ZFAT: variants seen among roughly 807,000 people sequenced by gnomAD.
ZFAT encodes the protein zinc finger and AT-hook domain containing, also known as zinc finger protein ZFAT.
Under a neutral mutation model 117.7 loss-of-function variants are expected in ZFAT, and 64 were observed. That is an observed-to-expected ratio of 0.54 (90% CI 0.44 to 0.67). ZFAT has a LOEUF of 0.67. ZFAT is among the 30% of genes least tolerant of loss of function. The pLI, the probability that ZFAT is intolerant of heterozygous loss-of-function variation, is 0.00. For missense variants in ZFAT, 1,433 were observed against 1,584.5 expected, an observed-to-expected ratio of 0.90 and a Z score of 1.62; for synonymous variants, 679 against 615.0, an observed-to-expected ratio of 1.10 and a Z score of -1.54.
chr8:134,604,007 A>T (rs1258219428), intron 5 of ZFAT, among the ~76,000 whole-genome samples: 1 of 152,232 alleles, frequency 6.6e-6, no homozygotes, highest in Non-Finnish European at 1.5e-5. Context: ...ACCATTTGTT[A>T]ACACCTGCCA....
intron 1 of ZFAT, among the ~76,000 whole-genome samples, chr8:134,702,665 C>CT (rs555992709): frequency 1.4e-3 from 204 of 144,000 alleles, no homozygotes; most frequent in Admixed American, 2.3e-3. Flanking sequence ...ATCTCTATTT[C>CT]TTTTTTTTTT....
intron 11 of ZFAT, among the ~76,000 whole-genome samples, chr8:134,554,662 C>T (rs723696): frequency 0.083 from 12,591 of 152,172 alleles, 793 homozygotes; most frequent in East Asian, 0.34. Context: ...GAGAGAGATG[C>T]CTAATAAACA....
chr8:134,486,394 G>T lies in ZFAT; in HGVS notation c.3493-7673C>A, dbSNP rs995619763. 2.0e-5 allele frequency among the ~76,000 whole-genome samples: 3 copies of T among 152,010 alleles called. No individual in the cohort carries two copies. The South Asian group carries it at 6.3e-4, about 32-fold the overall frequency. ...CTCCACCGACACCTCTGTCACCGTCGCCACCACCACCAAGAGGTCATTTCG... is the reference window on the plus strand; with the variant it reads ...CTCCACCGACACCTCTGTCACCGTCTCCACCACCACCAAGAGGTCATTTCG... On this transcript the variant is annotated intron_variant, in intron 15 of 15. Coordinates refer to ENST00000377838, the MANE Select transcript of ZFAT (RefSeq NM_020863.4).
chr8:134,637,328 C>T lies in ZFAT; in HGVS notation c.448+133G>A, dbSNP rs1305318787. 3 of 1,168,952 alleles carry T rather than the reference C, an allele frequency of 2.6e-6. No individual in the cohort carries two copies. The African/African-American group carries it at 4.6e-5, about 18-fold the overall frequency. The allele number at this position is 1,168,952 out of a possible 1,614,324, so 72.4% of individuals were successfully genotyped here. ...TAATAGTCATCATTAGGAAAATAAGCACTTTTCCAGATGGGTGAGAGCTGA... is the reference window on the plus strand; with the variant it reads ...TAATAGTCATCATTAGGAAAATAAGTACTTTTCCAGATGGGTGAGAGCTGA... On this transcript the variant is annotated intron_variant, in intron 3 of 15. Transcript: ENST00000377838.
chr8:134,830,024 T>C, the ZFAT span, among the ~76,000 whole-genome samples: 1 of 152,176 alleles, frequency 6.6e-6, no homozygotes, highest in Non-Finnish European at 1.5e-5. Flanking sequence ...CCCAAATCAC[T>C]TTCCCATGTG....
chr8:134,665,608 G>C (rs1193699157), intron 1 of ZFAT, among the ~76,000 whole-genome samples: 1 of 152,192 alleles, frequency 6.6e-6, no homozygotes, highest in Non-Finnish European at 1.5e-5. Flanking sequence ...AGAAGTACAT[G>C]CTCATGGTAA....
chr8:134,643,894 C>T (rs942721239), intron 2 of ZFAT, among the ~76,000 whole-genome samples: 1 of 152,246 alleles, frequency 6.6e-6, no homozygotes, highest in Middle Eastern at 3.4e-3. Flanking sequence ...AGACGTGTGC[C>T]CTTTCCACTA....
At chr8:134,687,826 C>T (rs186014960) in intron 1 of ZFAT, among the ~76,000 whole-genome samples, 9 of 152,324 alleles carry the variant, frequency 5.9e-5, no homozygotes, top group East Asian at 1.9e-4. Flanking sequence ...CCATCACCAC[C>T]GCACATCCGG....
At position 134,637,510 on chromosome 8, in the gene ZFAT, C is replaced by T. The variant is rs754790172; in HGVS notation, c.399G>A (p.Lys133=). ...AATTCAGCACGATAATGCAGATGTG[C>T]TTCCGCAGCTGGCGCGTGTTGGAGA... ...RKFSNTRQLR[K]HICIIVLNLG... is the part of the protein sequence containing the mutation. Residue 133 remains lysine (K), a synonymous_variant, in exon 3 of 16, where the codon AAG becomes AAA. Transcript: ENST00000377838. The T allele has an allele frequency of 2.5e-6, 4 of 1,614,072 alleles. No homozygotes were observed. The highest frequency in any genetic ancestry group is 3.4e-6 in the Non-Finnish European group (4 of 1,179,888).
intron 10 of ZFAT, among the ~76,000 whole-genome samples, chr8:134,577,071 C>G (rs973451914): frequency 2.0e-5 from 3 of 152,232 alleles, no homozygotes; most frequent in Non-Finnish European, 2.9e-5. Flanking sequence ...AACCTCCAGA[C>G]AGCACATCAT....
chr8:134,788,610 C>A, the ZFAT span, among the ~76,000 whole-genome samples: 4 of 152,002 alleles, frequency 2.6e-5, no homozygotes, highest in Non-Finnish European at 4.4e-5. Context: ...AAGTTCAGAT[C>A]CTCTGCATCT....
At chr8:134,585,134 C>T (rs544510769) in intron 9 of ZFAT, among the ~76,000 whole-genome samples, 6 of 152,304 alleles carry the variant, frequency 3.9e-5, no homozygotes, top group African/African-American at 1.4e-4. Context: ...AATCACTTCC[C>T]ACGAAGTCTT....
the ZFAT span, among the ~76,000 whole-genome samples, chr8:134,742,143 A>T: frequency 8.2e-5 from 12 of 146,376 alleles, no homozygotes; most frequent in African/African-American, 2.8e-4. Context: ...TCATTTATTT[A>T]TTGCTGTGTC....
At chr8:134,822,750 A>G in the ZFAT span, among the ~76,000 whole-genome samples, 1 of 152,142 alleles carries the variant, frequency 6.6e-6, no homozygotes, top group Non-Finnish European at 1.5e-5. Context: ...CTACATGTGC[A>G]TATTTTCACA....
rs1824022388 is a variant in ZFAT at position 134,561,163 on chromosome 8, C to CA, written c.2976+4169dup. Among the ~76,000 whole-genome samples the CA allele has an allele frequency of 5.3e-5, 8 of 152,294 alleles. No individual in the cohort carries two copies. The South Asian group carries it at 1.7e-3, about 32-fold the overall frequency. ...TATAACAACAGAAACTGGGAATGAC[C>CA]AAACTATCCAATTGTGAAAGGAATG... On this transcript the variant is annotated intron_variant, in intron 11 of 15. Coordinates refer to ENST00000377838, the MANE Select transcript of ZFAT (RefSeq NM_020863.4).
chr8:134,746,568 C>T, the ZFAT span, among the ~76,000 whole-genome samples: 2 of 152,158 alleles, frequency 1.3e-5, no homozygotes, highest in African/African-American at 4.8e-5. Flanking sequence ...TCAATACTGA[C>T]CTTGTGTTGC....
At chr8:134,788,030 T>C in the ZFAT span, among the ~76,000 whole-genome samples, 3 of 152,170 alleles carry the variant, frequency 2.0e-5, no homozygotes, top group Non-Finnish European at 2.9e-5. Context: ...TTTCTAAACG[T>C]TCTATCTTTT....
intron 3 of ZFAT, among the ~76,000 whole-genome samples, chr8:134,626,282 A>G (rs938544620): frequency 2.0e-5 from 3 of 152,194 alleles, no homozygotes; most frequent in African/African-American, 4.8e-5. Context: ...GGACCACCCA[A>G]TCAGCAGCAG....
At position 134,512,598 on chromosome 8, in the gene ZFAT, C is replaced by T; in HGVS notation, c.3238G>A (p.Ala1080Thr). Reference sequence around the variant, plus strand: ...GAGGGCTCCTCAGGAGCTTCTGTTGCTGTCTAAATAAAAACATAGTACCTA... The same window carrying T: ...GAGGGCTCCTCAGGAGCTTCTGTTGTTGTCTAAATAAAAACATAGTACCTA... ...EIDGDPKWET[A>T]TEAPEEPSTQ... The change falls in exon 14 of 16, where the codon GCA becomes ACA. Residue 1080 changes from alanine (A) to threonine (T), a missense_variant. This residue lies in a region of ZFAT where 503 missense variants were observed against 543.4 expected (regional missense o/e 0.93). Transcript: ENST00000377838. 1 of 1,612,648 alleles carries T rather than the reference C, an allele frequency of 6.2e-7. No individual in the cohort carries two copies. The highest frequency in any genetic ancestry group is 8.5e-7 in the Non-Finnish European group (1 of 1,179,540).
Sources: allele counts gnomAD v4.1 joint callset (sites outside exome capture counted in the v4.1 genomes callset), GRCh38; gene constraint gnomAD v4.1.1; regional missense constraint gnomAD v4.1.1; transcripts MANE v1.5; gene names NCBI Gene and HGNC (gene_info 2026-07-23, HGNC 2026-07-21).